Variants in THSD7B observed in about 807,000 individuals in gnomAD.
THSD7B encodes the protein thrombospondin type 1 domain containing 7B, also known as thrombospondin type-1 domain-containing protein 7B.
Under a neutral mutation model 213.6 loss-of-function variants are expected in THSD7B, and 138 were observed. The ratio of observed to expected loss-of-function variants is 0.65; its 90% confidence interval spans 0.56 to 0.74. The LOEUF is 0.74. Among genes scored for constraint, THSD7B ranks in the 30% least tolerant of loss-of-function variants. The pLI, the probability that THSD7B is intolerant of heterozygous loss-of-function variation, is 0.00. For missense variants in THSD7B, 1,931 were observed against 1,991.5 expected (o/e 0.97, Z 0.58); for synonymous variants, 742 against 687.0 (o/e 1.08, Z -1.25).
chr2:137,505,128 A>G (rs1320438852), intron 15 of THSD7B, among the ~76,000 whole-genome samples: 1 of 152,164 alleles, frequency 6.6e-6, no homozygotes, highest in Non-Finnish European at 1.5e-5. Context: ...AGCCTGTCCC[A>G]ATTTGCCTGT....
chr2:137,222,855 T>C (rs1029191433), intron 7 of THSD7B, among the ~76,000 whole-genome samples: 1 of 152,242 alleles, frequency 6.6e-6, no homozygotes. Context: ...GGATCCCACA[T>C]TGCTGGCTTC....
intron 2 of THSD7B, among the ~76,000 whole-genome samples, chr2:136,942,967 G>A (rs991683512): frequency 4.6e-5 from 7 of 152,178 alleles, no homozygotes; most frequent in South Asian, 2.1e-4. Flanking sequence ...TGCCCAATCA[G>A]TATGTTATTG....
At chr2:137,621,784 G>A (rs1201598046) in intron 20 of THSD7B, among the ~76,000 whole-genome samples, 1 of 152,144 alleles carries the variant, frequency 6.6e-6, no homozygotes, top group Non-Finnish European at 1.5e-5. Flanking sequence ...GAACACCTGA[G>A]GCTGGTTAAT....
At chr2:137,432,355 C>A (rs1025974230) in intron 14 of THSD7B, among the ~76,000 whole-genome samples, 1 of 152,184 alleles carries the variant, frequency 6.6e-6, no homozygotes, top group African/African-American at 2.4e-5. Flanking sequence ...CGCGCCACTG[C>A]GCTCCAGCCT....
intron 2 of THSD7B, among the ~76,000 whole-genome samples, chr2:136,912,896 T>G (rs1247034981): frequency 6.6e-6 from 1 of 152,134 alleles, no homozygotes; most frequent in Non-Finnish European, 1.5e-5. Flanking sequence ...ACTAATACAG[T>G]AAATTGGTAC....
intron 7 of THSD7B, among the ~76,000 whole-genome samples, chr2:137,171,887 T>C (rs1218555252): frequency 6.6e-6 from 1 of 152,146 alleles, no homozygotes; most frequent in African/African-American, 2.4e-5. Flanking sequence ...CAGATATAGA[T>C]TTTGTCAGGT....
chr2:137,041,046 C>T (rs956382367), intron 2 of THSD7B, among the ~76,000 whole-genome samples: 3 of 152,066 alleles, frequency 2.0e-5, no homozygotes, highest in Non-Finnish European at 4.4e-5. Flanking sequence ...GTATCTAGTC[C>T]ATGATTTAAT....
In THSD7B at chr2:137,271,839, AT is replaced by A. The variant is rs1183410023; in HGVS notation, c.2267-692del. Among the ~76,000 whole-genome samples the A allele has an allele frequency of 8.5e-5, 13 of 152,210 alleles. No homozygotes were observed. The East Asian group carries it at 2.5e-3, about 29-fold the overall frequency. On this transcript the variant is annotated intron_variant, in intron 10 of 27. Transcript: ENST00000409968. ...TAATTGATTTTTGTTGCTGATGTTG[AT>A]TCAGAAGGCATCTAAAGATTGTGAA...
At chr2:136,866,520 G>T (rs1683335590) in intron 1 of THSD7B, among the ~76,000 whole-genome samples, 2 of 152,120 alleles carry the variant, frequency 1.3e-5, no homozygotes, top group African/African-American at 4.8e-5. Context: ...AAAAAAGGTG[G>T]AGGGGTGTGG....
chr2:137,313,399 G>T (rs1347158578), intron 12 of THSD7B, among the ~76,000 whole-genome samples: 1 of 151,502 alleles, frequency 6.6e-6, no homozygotes. Context: ...GCCTATGTGT[G>T]TTTCTGCACA....
At chr2:137,476,451 G>A (rs1688194676) in intron 15 of THSD7B, among the ~76,000 whole-genome samples, 1 of 151,916 alleles carries the variant, frequency 6.6e-6, no homozygotes, top group African/African-American at 2.4e-5. Flanking sequence ...ATAGTTTTTG[G>A]TTTTATGTCT....
intron 8 of THSD7B, among the ~76,000 whole-genome samples, chr2:137,231,946 T>C (rs1681648281): frequency 6.6e-6 from 1 of 152,200 alleles, no homozygotes; most frequent in Non-Finnish European, 1.5e-5. Context: ...TGTGAGGAGC[T>C]ACTTTTTAAG....
chr2:137,532,342 A>G (rs1680413373), intron 15 of THSD7B, among the ~76,000 whole-genome samples: 2 of 151,866 alleles, frequency 1.3e-5, no homozygotes, highest in Admixed American at 1.3e-4. Context: ...GATCTTTGGT[A>G]CTACTAATCA....
intron 3 of THSD7B, among the ~76,000 whole-genome samples, chr2:137,072,642 T>C (rs1227006637): frequency 3.3e-5 from 5 of 152,172 alleles, no homozygotes; most frequent in African/African-American, 4.8e-5. Context: ...AACACTGTGT[T>C]GAATAGGAGT....
chr2:137,397,361 T>TG (rs1370747173), intron 12 of THSD7B, among the ~76,000 whole-genome samples: 1 of 152,080 alleles, frequency 6.6e-6, no homozygotes, highest in East Asian at 1.9e-4. Flanking sequence ...GCAGGCCTGG[T>TG]GGTGACAAAA....
chr2:136,890,771 C>G (rs1386597194), intron 2 of THSD7B, among the ~76,000 whole-genome samples: 2 of 151,226 alleles, frequency 1.3e-5, no homozygotes, highest in Non-Finnish European at 2.9e-5. Context: ...GAACTCCTGA[C>G]CTCAGGTGAT....
In THSD7B at chr2:137,008,937, G is replaced by A. The variant is rs185199262; in HGVS notation, c.140-47483G>A. ...CATCAGCTTGGTCGGTTCTATAAAG[G>A]TTGATATAAAAATGCTTTGACAGTC... On this transcript the variant is annotated intron_variant, in intron 2 of 27. Coordinates refer to ENST00000409968, the MANE Select transcript of THSD7B (RefSeq NM_001316349.2). Among the ~76,000 whole-genome samples the A allele has an allele frequency of 3.3e-5, 5 of 152,210 alleles. 1 individual carries two copies. The highest frequency in any genetic ancestry group is 3.3e-4 in the Admixed American group (5 of 15,284).
At chr2:137,494,822 A>C (rs747477270) in intron 15 of THSD7B, among the ~76,000 whole-genome samples, 9 of 152,140 alleles carry the variant, frequency 5.9e-5, no homozygotes, top group Non-Finnish European at 2.9e-5. Flanking sequence ...TTACATGCAA[A>C]CATCTTTTCT....
At chr2:137,635,763 G>T (rs1405242570) in intron 20 of THSD7B, among the ~76,000 whole-genome samples, 2 of 151,566 alleles carry the variant, frequency 1.3e-5, no homozygotes, top group Non-Finnish European at 2.9e-5. Context: ...ACAGTGCAGT[G>T]GCACGATCTT....
Sources: gnomAD v4.1 joint callset for allele counts (sites outside exome capture counted in the v4.1 genomes callset) on GRCh38, gnomAD v4.1.1 for gene constraint, MANE v1.5 for transcripts, NCBI Gene and HGNC (gene_info 2026-07-23, HGNC 2026-07-21) for gene names.